MIPOL1: variants seen among roughly 807,000 people sequenced by gnomAD.
The protein encoded by MIPOL1 is mirror-image polydactyly gene 1 protein.
MIPOL1 carries 57 observed loss-of-function variants against 60.9 expected under a neutral mutation model. The ratio of observed to expected loss-of-function variants is 0.94; its 90% CI spans 0.76 to 1.17. The LOEUF is 1.17. MIPOL1 is among the 50% of genes most tolerant of loss of function. The probability of loss-of-function intolerance (pLI) is 0.00; values close to 1 mark genes in which losing one functional copy is unlikely to be tolerated. For synonymous variants in MIPOL1, 179 were observed against 168.8 expected, an observed-to-expected ratio of 1.06 and a Z score of -0.47; for missense variants, 551 against 511.6, an observed-to-expected ratio of 1.08 and a Z score of -0.74.
chr14:37,412,336 CTG>C (rs1491163243), intron 10 of MIPOL1, among the ~76,000 whole-genome samples: 2 of 151,826 alleles, frequency 1.3e-5, no homozygotes, highest in Non-Finnish European at 2.9e-5. Context: ...ATGTAAATAA[CTG>C]TGGTGTAAGG....
At chr14:37,481,560 A>AACACACACACACACACACACAC (rs3062719) in intron 11 of MIPOL1, among the ~76,000 whole-genome samples, 2 of 113,148 alleles carry the variant, frequency 1.8e-5, no homozygotes, top group Non-Finnish European at 3.5e-5. Flanking sequence ...GACCCCCCCC[A>AACACACACACACACACACACAC]ACACACACAC....
At chr14:37,252,764 C>A (rs1594749469) in intron 3 of MIPOL1, among the ~76,000 whole-genome samples, 2 of 152,002 alleles carry the variant, frequency 1.3e-5, no homozygotes, top group African/African-American at 4.8e-5. Context: ...GATTTGCAGA[C>A]AATTTGTAAG....
chr14:37,252,891 T>C (rs1298753897), intron 3 of MIPOL1, among the ~76,000 whole-genome samples: 2 of 151,844 alleles, frequency 1.3e-5, no homozygotes, highest in African/African-American at 4.8e-5. Flanking sequence ...CTATTTTATG[T>C]TTAAGGCGGA....
chr14:37,318,321 A>G lies in MIPOL1; in HGVS notation c.828+9802A>G, dbSNP rs971965060. 4.6e-5 allele frequency among the ~76,000 whole-genome samples: 7 copies of G among 152,210 alleles called. No individual in the cohort carries two copies. In the East Asian group the frequency reaches 9.6e-4, roughly 21 times the overall value. ...TAGATACAAAATAATGATGTTTAAAATATTAGAAATTTGACAAAAAGGTTA... is the reference window on the plus strand; with the variant it reads ...TAGATACAAAATAATGATGTTTAAAGTATTAGAAATTTGACAAAAAGGTTA... On this transcript the variant is annotated intron_variant, in intron 9 of 12. Transcript: ENST00000684589.
At chr14:37,332,721 G>A (rs1030009388) in intron 9 of MIPOL1, among the ~76,000 whole-genome samples, 49 of 151,730 alleles carry the variant, frequency 3.2e-4, no homozygotes, top group Non-Finnish European at 6.0e-4. Flanking sequence ...TCAATCTGTG[G>A]TACATATCAG....
At chr14:37,322,136 C>T (rs1567460235) in intron 9 of MIPOL1, among the ~76,000 whole-genome samples, 1 of 151,948 alleles carries the variant, frequency 6.6e-6, no homozygotes, top group Non-Finnish European at 1.5e-5. Context: ...CTTCTAAACC[C>T]TTCAGCATAG....
chr14:37,402,599 C>T (rs147527873), intron 10 of MIPOL1, among the ~76,000 whole-genome samples: 5 of 152,246 alleles, frequency 3.3e-5, no homozygotes, highest in African/African-American at 7.2e-5. Flanking sequence ...AGATATCTTA[C>T]GTGCAGCCTA....
At chr14:37,488,731 A>G (rs190502930) in intron 11 of MIPOL1, among the ~76,000 whole-genome samples, 187 of 152,284 alleles carry the variant, frequency 1.2e-3, no homozygotes, top group African/African-American at 4.3e-3. Flanking sequence ...TTCTGGGTTG[A>G]AAATTCTTTT....
At chr14:37,278,569 T>C (rs776119853) in intron 6 of MIPOL1, 1 of 151,824 alleles carries the variant, frequency 6.6e-6, no homozygotes, top group Non-Finnish European at 1.5e-5. Context: ...TCCAGTTATT[T>C]AATATGTTTA....
At chr14:37,291,543 G>T (rs1220286204) in intron 7 of MIPOL1, among the ~76,000 whole-genome samples, 1 of 151,974 alleles carries the variant, frequency 6.6e-6, no homozygotes, top group Non-Finnish European at 1.5e-5. Context: ...TTATTGAAAT[G>T]ATTTTCTTTT....
intron 7 of MIPOL1, among the ~76,000 whole-genome samples, chr14:37,297,844 T>C (rs1280549526): frequency 6.6e-6 from 1 of 151,958 alleles, no homozygotes; most frequent in African/African-American, 2.4e-5. Flanking sequence ...TGCTCATGGG[T>C]AGGAAGAATC....
intron 1 of MIPOL1, among the ~76,000 whole-genome samples, chr14:37,240,073 G>A (rs957886682): frequency 6.6e-6 from 1 of 152,136 alleles, no homozygotes; most frequent in Non-Finnish European, 1.5e-5. Context: ...AGGCTGGAGT[G>A]TAGTGTGCAA....
chr14:37,297,843 G>C (rs1360770281), intron 7 of MIPOL1, among the ~76,000 whole-genome samples: 1 of 151,944 alleles, frequency 6.6e-6, no homozygotes, highest in Admixed American at 6.6e-5. Flanking sequence ...ATGCTCATGG[G>C]TAGGAAGAAT....
chr14:37,311,459 A>C (rs1463637395), intron 9 of MIPOL1, among the ~76,000 whole-genome samples: 1 of 152,090 alleles, frequency 6.6e-6, no homozygotes, highest in Non-Finnish European at 1.5e-5. Flanking sequence ...ATACCACCGC[A>C]CTATATTTAT....
chr14:37,427,822 C>A (rs2093991125), intron 11 of MIPOL1, among the ~76,000 whole-genome samples: 1 of 152,096 alleles, frequency 6.6e-6, no homozygotes, highest in Non-Finnish European at 1.5e-5. Context: ...GTATGTGAAA[C>A]ACAACTAATT....
intron 1 of MIPOL1, among the ~76,000 whole-genome samples, chr14:37,224,728 TCATGTTCTCA>T (rs1457962822): frequency 6.6e-6 from 1 of 152,094 alleles, no homozygotes; most frequent in Non-Finnish European, 1.5e-5. Context: ...CTCCCAAATC[TCATGTTCTCA>T]CATTTCAAAA....
chr14:37,296,115 C>T (rs1197770593), intron 7 of MIPOL1, among the ~76,000 whole-genome samples: 4 of 152,214 alleles, frequency 2.6e-5, no homozygotes, highest in East Asian at 1.9e-4. Context: ...TCTCAGACCA[C>T]AGTGCAATCA....
At chr14:37,349,514 T>C (rs1280639185) in intron 9 of MIPOL1, among the ~76,000 whole-genome samples, 1 of 152,198 alleles carries the variant, frequency 6.6e-6, no homozygotes, top group African/African-American at 2.4e-5. Flanking sequence ...ATTACTCAAA[T>C]ATGCCAAATG....
chr14:37,297,052 C>G lies in MIPOL1; in HGVS notation c.624-11004C>G, dbSNP rs200335412. 1.3e-4 allele frequency among the ~76,000 whole-genome samples: 20 copies of G among 152,202 alleles called. No individual in the cohort carries two copies. The East Asian group carries it at 3.9e-3, about 29-fold the overall frequency. On this transcript the variant is annotated intron_variant, in intron 7 of 12. Coordinates refer to ENST00000684589, the MANE Select transcript of MIPOL1 (RefSeq NM_001388067.1). ...CTTGATGAACATTGATGCAAAAATC[C>G]TCAATAAAATACTGGCAAACTGAAT...
Sources: gnomAD v4.1 joint callset for allele counts (sites outside exome capture counted in the v4.1 genomes callset) on GRCh38, gnomAD v4.1.1 for gene constraint, MANE v1.5 for transcripts, NCBI Gene and HGNC (gene_info 2026-07-23, HGNC 2026-07-21) for gene names.